MRPL34: variants seen among roughly 807,000 people sequenced by gnomAD.
The protein encoded by MRPL34 is large ribosomal subunit protein bL34m.
Under a neutral mutation model 6.7 loss-of-function variants are expected in MRPL34, and 8 were observed. That is an observed-to-expected ratio of 1.20 (90% CI 0.70 to 2.16). The LOEUF is 2.16. Ranked by LOEUF, MRPL34 falls within the 30% of genes most tolerant of loss-of-function variation. The pLI, the probability that MRPL34 is intolerant of heterozygous loss-of-function variation, is 0.00. For missense variants in MRPL34, 146 were observed against 125.5 expected, an observed-to-expected ratio of 1.16 and a Z score of -0.78; for synonymous variants, 59 against 55.1, an observed-to-expected ratio of 1.07 and a Z score of -0.31.
At chr19:17,304,599 A>G (rs1218414457), upstream of MRPL34, among the ~76,000 whole-genome samples, 1 of 152,146 alleles carries the variant, frequency 6.6e-6, no homozygotes, top group East Asian at 1.9e-4. Flanking sequence ...ACTCTTGCCC[A>G]CTAAGGGCAC....
chr19:17,301,054 A>G (rs1212478405), upstream of MRPL34: 1 of 1,613,392 alleles, frequency 6.2e-7, no homozygotes, highest in Non-Finnish European at 8.5e-7. Flanking sequence ...CCAGATGGCC[A>G]GGGAACCGCC....
upstream of MRPL34, chr19:17,300,798 C>T: frequency 6.6e-7 from 1 of 1,519,704 alleles, no homozygotes; most frequent in Non-Finnish European, 8.8e-7. Flanking sequence ...TATTTTGTGA[C>T]TGTAGTCCCT....
At position 17,296,005 on chromosome 19, in the gene MRPL34, C is replaced by G. The variant is rs150294580; in HGVS notation, c.214+3151C>G. Among the ~76,000 whole-genome samples the G allele has an allele frequency of 1.0e-3, 155 of 151,926 alleles. 1 individual carries two copies. In the East Asian group the frequency reaches 0.029, roughly 29 times the overall value. On this transcript the variant is annotated intron_variant, in intron 1 of 2. Coordinates refer to the MRPL34 transcript ENST00000595444. ...GGATTATAGGCGTGAGCCGTGACACCCGGCCTGGTGAGGGGGTTCATGTCC... is the reference window on the plus strand; with the variant it reads ...GGATTATAGGCGTGAGCCGTGACACGCGGCCTGGTGAGGGGGTTCATGTCC...
chr19:17,302,738 G>A (rs2074126322), upstream of MRPL34: 1 of 152,260 alleles, frequency 6.6e-6, no homozygotes, highest in Non-Finnish European at 1.5e-5. Context: ...GGAGAGGCAG[G>A]GCCCTGGCTG....
At chr19:17,295,890 T>C (rs2145653479) in intron 1 of MRPL34, among the ~76,000 whole-genome samples, 1 of 152,300 alleles carries the variant, frequency 6.6e-6, no homozygotes, top group South Asian at 2.1e-4. Context: ...AAAAATTTTT[T>C]TATAAAGACA....
chr19:17,300,295 T>G (rs1674672682), upstream of MRPL34, among the ~76,000 whole-genome samples: 2 of 151,326 alleles, frequency 1.3e-5, no homozygotes, highest in South Asian at 4.2e-4. Context: ...AGCCTCGACC[T>G]CCCAGACTCA....
At chr19:17,301,199 T>C, upstream of MRPL34, 2 of 1,602,502 alleles carry the variant, frequency 1.2e-6, no homozygotes, top group Admixed American at 3.4e-5. Context: ...CCACTGCCGC[T>C]GCCGCTGCCT....
Position 17,306,338 on chromosome 19 carries a change from CT to C in MRPL34, c.240del (p.Arg81AlafsTer10). 6.2e-7 allele frequency: 1 copy of C among 1,609,404 alleles called. No individual in the cohort carries two copies. The highest frequency in any genetic ancestry group is 8.5e-7 in the Non-Finnish European group (1 of 1,179,010). On this transcript the variant is annotated frameshift_variant, in exon 2 of 2. Transcript: ENST00000252602. LOFTEE classifies it high-confidence loss of function. ...LSTPAGVQVI[L>X]RRMLKGRKSL... is the part of the protein sequence containing the mutation. Reference sequence around the variant, plus strand: ...CACGCCGGCCGGCGTGCAGGTCATCCTTCGCCGAATGCTCAAGGGCCGCAAG... The same window carrying C: ...CACGCCGGCCGGCGTGCAGGTCATCCTCGCCGAATGCTCAAGGGCCGCAAG...
intron 1 of MRPL34, among the ~76,000 whole-genome samples, chr19:17,296,975 G>A (rs1167879562): frequency 6.6e-6 from 1 of 152,148 alleles, no homozygotes; most frequent in Admixed American, 6.6e-5. Context: ...GATTAGAGGC[G>A]TGAGCCACCG....
chr19:17,304,377 T>C (rs2074136270), upstream of MRPL34, among the ~76,000 whole-genome samples: 1 of 152,224 alleles, frequency 6.6e-6, no homozygotes, highest in South Asian at 2.1e-4. Flanking sequence ...AATCCTCTCA[T>C]AAGTTTGCTA....
upstream of MRPL34, among the ~76,000 whole-genome samples, chr19:17,299,459 G>A (rs529814417): frequency 9.9e-5 from 15 of 151,264 alleles, no homozygotes; most frequent in Admixed American, 4.6e-4. Context: ...TACTAGGGAG[G>A]CTGAGGCAGG....
At chr19:17,294,888 G>T in intron 1 of MRPL34, 1 of 1,598,222 alleles carries the variant, frequency 6.3e-7, no homozygotes, top group Non-Finnish European at 8.6e-7. Context: ...GAAGGGAGGC[G>T]GTCAGCAGGA....
intron 1 of MRPL34, among the ~76,000 whole-genome samples, chr19:17,295,657 C>A (rs1249574329): frequency 6.6e-6 from 1 of 152,128 alleles, no homozygotes; most frequent in Non-Finnish European, 1.5e-5. Context: ...ATCCACCCAC[C>A]TTGGCTTCCC....
At chr19:17,297,364 C>T (rs1357963230) in intron 1 of MRPL34, among the ~76,000 whole-genome samples, 2 of 152,012 alleles carry the variant, frequency 1.3e-5, no homozygotes, top group Non-Finnish European at 2.9e-5. Context: ...GGTGCGATCT[C>T]GGCTCACTGC....
At chr19:17,297,414 G>A (rs2074097925) in intron 1 of MRPL34, among the ~76,000 whole-genome samples, 1 of 152,054 alleles carries the variant, frequency 6.6e-6, no homozygotes, top group South Asian at 2.1e-4. Context: ...TCCTGCCTCA[G>A]CCTCCCAAGT....
chr19:17,303,957 C>A (rs73511851), upstream of MRPL34, among the ~76,000 whole-genome samples: 1 of 152,168 alleles, frequency 6.6e-6, no homozygotes. Flanking sequence ...TAACCTCCCC[C>A]CTACGCCCCC....
intron 1 of MRPL34, chr19:17,294,854 A>C (rs1386074435): frequency 6.2e-7 from 1 of 1,612,170 alleles, no homozygotes. Flanking sequence ...CACTGCCCGG[A>C]ACGGGTGGGG....
chr19:17,301,454 C>A (rs2145660191), upstream of MRPL34: 2 of 1,611,584 alleles, frequency 1.2e-6, no homozygotes, highest in Middle Eastern at 1.7e-4. Flanking sequence ...GGTGGGGCAG[C>A]GGCTGGGGCG....
upstream of MRPL34, chr19:17,300,710 TCAGGTGATC>T: frequency 4.7e-6 from 5 of 1,056,256 alleles, no homozygotes; most frequent in Non-Finnish European, 6.8e-6. Flanking sequence ...ACTCCCAACC[TCAGGTGATC>T]CGCCTGCCTC....
Sources: gnomAD v4.1 joint callset for allele counts (sites outside exome capture counted in the v4.1 genomes callset) on GRCh38, gnomAD v4.1.1 for gene constraint, MANE v1.5 for transcripts, NCBI Gene and HGNC (gene_info 2026-07-23, HGNC 2026-07-21) for gene names.